The following AGBL1 variants were observed in gnomAD, a reference collection of about 807,000 sequenced individuals.
AGBL1 encodes cytosolic carboxypeptidase 4.
AGBL1 carries 130 observed loss-of-function variants against 118.9 expected under a neutral mutation model. That is an observed-to-expected ratio of 1.09 (90% CI 0.95 to 1.26). AGBL1 has a LOEUF of 1.26. Ranked by LOEUF, AGBL1 falls within the 50% of genes most tolerant of loss-of-function variation. The pLI, the probability that AGBL1 is intolerant of heterozygous loss-of-function variation, is 0.00. For missense variants in AGBL1, 1,584 were observed against 1,298.1 expected, an observed-to-expected ratio of 1.22 and a Z score of -3.38; for synonymous variants, 555 against 478.9, an observed-to-expected ratio of 1.16 and a Z score of -2.08.
At chr15:86,440,663 C>T (rs1231817965) in intron 18 of AGBL1, among the ~76,000 whole-genome samples, 2 of 151,970 alleles carry the variant, frequency 1.3e-5, no homozygotes, top group African/African-American at 2.4e-5. Context: ...GACACATATT[C>T]GTGAATGATA....
At chr15:87,000,562 G>T (rs1479325162) in intron 24 of AGBL1, among the ~76,000 whole-genome samples, 2 of 50,010 alleles carry the variant, frequency 4.0e-5, no homozygotes, top group Non-Finnish European at 9.8e-5. Flanking sequence ...ATTTCTGAGG[G>T]CTCTGTTCTG....
intron 22 of AGBL1, among the ~76,000 whole-genome samples, chr15:86,823,230 C>G (rs757459296): frequency 1.3e-5 from 2 of 152,076 alleles, no homozygotes; most frequent in Non-Finnish European, 2.9e-5. Flanking sequence ...CTAATGGAAC[C>G]TAAATACTCA....
intron 22 of AGBL1, among the ~76,000 whole-genome samples, chr15:86,848,012 C>A (rs1014759213): frequency 3.3e-5 from 5 of 152,174 alleles, no homozygotes; most frequent in African/African-American, 9.7e-5. Context: ...TAAACACGGA[C>A]AATGCTGCTT....
At chr15:86,498,683 T>C (rs565702006) in intron 18 of AGBL1, among the ~76,000 whole-genome samples, 1 of 152,056 alleles carries the variant, frequency 6.6e-6, no homozygotes, top group South Asian at 2.1e-4. Context: ...ATCCCTGCAA[T>C]TTTGGAGAAT....
At chr15:86,283,915 T>C (rs1002043157) in intron 16 of AGBL1, among the ~76,000 whole-genome samples, 2 of 152,132 alleles carry the variant, frequency 1.3e-5, no homozygotes, top group African/African-American at 4.8e-5. Flanking sequence ...AGGTGTTGTG[T>C]TTCCTTGCTG....
At chr15:86,979,579 C>T (rs1415278686) in intron 23 of AGBL1, among the ~76,000 whole-genome samples, 2 of 152,084 alleles carry the variant, frequency 1.3e-5, no homozygotes, top group Non-Finnish European at 2.9e-5. Flanking sequence ...AGCTCCGCCT[C>T]CCGGGTTCAC....
intron 24 of AGBL1, among the ~76,000 whole-genome samples, chr15:87,008,932 A>G (rs1481495862): frequency 6.6e-6 from 1 of 152,222 alleles, no homozygotes; most frequent in African/African-American, 2.4e-5. Flanking sequence ...GGGTGCTGTT[A>G]AAAGCATTCA....
chr15:86,401,340 T>G (rs113752457), intron 18 of AGBL1, among the ~76,000 whole-genome samples: 2 of 152,160 alleles, frequency 1.3e-5, no homozygotes, highest in Non-Finnish European at 2.9e-5. Flanking sequence ...TCCTTGTAGA[T>G]TTTAGATATT....
intron 22 of AGBL1, among the ~76,000 whole-genome samples, chr15:86,781,172 GT>G (rs1191252844): frequency 6.6e-6 from 1 of 151,762 alleles, no homozygotes; most frequent in Non-Finnish European, 1.5e-5. Flanking sequence ...AGTTCTCTCT[GT>G]CATTACCTGA....
intron 21 of AGBL1, among the ~76,000 whole-genome samples, chr15:86,663,674 T>C (rs2085587464): frequency 6.6e-6 from 1 of 151,928 alleles, no homozygotes; most frequent in Admixed American, 6.6e-5. Context: ...TCTGGAAAGG[T>C]AGAACATAAT....
chr15:86,560,237 C>A (rs1023335438), intron 21 of AGBL1, among the ~76,000 whole-genome samples: 1 of 151,838 alleles, frequency 6.6e-6, no homozygotes, highest in East Asian at 1.9e-4. Flanking sequence ...GTGTGCTACA[C>A]CCATTAACTC....
chr15:86,294,006 T>C (rs146113077), intron 16 of AGBL1, among the ~76,000 whole-genome samples: 1 of 152,248 alleles, frequency 6.6e-6, no homozygotes, highest in African/African-American at 2.4e-5. Flanking sequence ...AAATTTCCAC[T>C]GTCAGGGGAT....
intron 11 of AGBL1, among the ~76,000 whole-genome samples, chr15:86,265,349 G>C (rs2079054972): frequency 6.6e-6 from 1 of 152,126 alleles, no homozygotes; most frequent in Admixed American, 6.5e-5. Context: ...GAGCTGGCGG[G>C]GAGTTGATGG....
At chr15:86,833,764 G>C (rs1159274194) in intron 22 of AGBL1, among the ~76,000 whole-genome samples, 3 of 152,122 alleles carry the variant, frequency 2.0e-5, no homozygotes, top group Non-Finnish European at 4.4e-5. Flanking sequence ...AACATGCCCA[G>C]AATCAACAAG....
At chr15:86,954,819 AT>A (rs1290408886) in intron 23 of AGBL1, among the ~76,000 whole-genome samples, 1 of 152,204 alleles carries the variant, frequency 6.6e-6, no homozygotes, top group Non-Finnish European at 1.5e-5. Context: ...ATTTAAAAAA[AT>A]GTTCCATCTG....
rs138381744 is a variant in AGBL1, at chr15:86,154,998, C to A, written c.394+437C>A. Among the ~76,000 whole-genome samples, 183 of 152,212 alleles carry A rather than the reference C, an allele frequency of 1.2e-3. 1 individual carries two copies. The highest frequency in any genetic ancestry group is 2.9e-3 in the East Asian group (15 of 5,172). On this transcript the variant is annotated intron_variant, in intron 4 of 22. Transcript: ENST00000614907. ...GAAATTACTCATTGATTACAACATC[C>A]CTTACCATTTAAAAAAACCCATGAT...
intron 23 of AGBL1, among the ~76,000 whole-genome samples, chr15:86,933,123 T>G (rs1294728524): frequency 6.6e-6 from 1 of 152,204 alleles, no homozygotes; most frequent in Admixed American, 6.5e-5. Flanking sequence ...AAACATGACC[T>G]TAACAGTTTC....
At chr15:86,399,451 C>T (rs1384938729) in intron 18 of AGBL1, among the ~76,000 whole-genome samples, 1 of 152,114 alleles carries the variant, frequency 6.6e-6, no homozygotes, top group Non-Finnish European at 1.5e-5. Flanking sequence ...GTCTGAGGTC[C>T]AGTAGAGAAT....
intron 18 of AGBL1, among the ~76,000 whole-genome samples, chr15:86,399,868 T>A (rs563130940): frequency 2.0e-5 from 3 of 152,318 alleles, no homozygotes; most frequent in African/African-American, 7.2e-5. Context: ...AATTACCTTT[T>A]CATTTATATA....
Sources: allele counts gnomAD v4.1 joint callset (sites outside exome capture counted in the v4.1 genomes callset), GRCh38; gene constraint gnomAD v4.1.1; transcripts MANE v1.5; gene names NCBI Gene and HGNC (gene_info 2026-07-23, HGNC 2026-07-21).